Variants in ULK4 observed in about 807,000 individuals in gnomAD.
ULK4 encodes the protein unc-51 like kinase 4, also known as inactive serine/threonine-protein kinase ULK4.
ULK4 carries 133 observed loss-of-function variants against 160.6 expected under a neutral mutation model. That is an observed-to-expected ratio of 0.83 (90% CI 0.72 to 0.96). The LOEUF (loss-of-function observed/expected upper bound fraction) is 0.96, where lower values mean the gene tolerates loss of function less well. Ranked by LOEUF, ULK4 falls within the 40% of genes least tolerant of loss-of-function variation. The pLI is 0.00. For missense variants in ULK4, 1,580 were observed against 1,499.5 expected (o/e 1.05, Z -0.89); for synonymous variants, 534 against 539.8 (o/e 0.99, Z 0.15).
At chr3:41,661,240 G>A (rs1466901126) in intron 30 of ULK4, among the ~76,000 whole-genome samples, 1 of 152,072 alleles carries the variant, frequency 6.6e-6, no homozygotes, top group Non-Finnish European at 1.5e-5. Context: ...GTTTGGCAAA[G>A]ATATTGGCAA....
chr3:41,442,067 A>G (rs2083183800), intron 34 of ULK4, among the ~76,000 whole-genome samples: 1 of 152,136 alleles, frequency 6.6e-6, no homozygotes, highest in Non-Finnish European at 1.5e-5. Flanking sequence ...TATAGCTAAG[A>G]TATGCTTCTT....
At chr3:41,522,484 A>C (rs573230463) in intron 32 of ULK4, among the ~76,000 whole-genome samples, 110 of 152,240 alleles carry the variant, frequency 7.2e-4, no homozygotes, top group African/African-American at 2.6e-3. Context: ...CTTTTCTGAT[A>C]ATTGAAAATA....
intron 32 of ULK4, among the ~76,000 whole-genome samples, chr3:41,498,098 C>CTTCATGT (rs2085055830): frequency 6.6e-6 from 1 of 152,034 alleles, no homozygotes; most frequent in Non-Finnish European, 1.5e-5. Context: ...CTCCAGAATA[C>CTTCATGT]ACACTCTTTC....
chr3:41,581,432 T>C (rs915591570), intron 31 of ULK4, among the ~76,000 whole-genome samples: 1 of 152,126 alleles, frequency 6.6e-6, no homozygotes, highest in Non-Finnish European at 1.5e-5. Flanking sequence ...CACAAACATA[T>C]ATACACATAG....
At chr3:41,828,285 G>A (rs2041441269) in intron 18 of ULK4, among the ~76,000 whole-genome samples, 1 of 145,698 alleles carries the variant, frequency 6.9e-6, no homozygotes, top group Non-Finnish European at 1.5e-5. Flanking sequence ...CATAGTGTTG[G>A]AAATTCTGGC....
intron 30 of ULK4, among the ~76,000 whole-genome samples, chr3:41,618,200 T>C (rs1398763761): frequency 6.6e-6 from 1 of 152,152 alleles, no homozygotes; most frequent in Non-Finnish European, 1.5e-5. Flanking sequence ...AAAACATATT[T>C]CAGGATATTA....
intron 18 of ULK4, among the ~76,000 whole-genome samples, chr3:41,822,209 C>A (rs1244037462): frequency 6.7e-6 from 1 of 149,004 alleles, no homozygotes; most frequent in Non-Finnish European, 1.5e-5. Flanking sequence ...CTGCCAGTCT[C>A]TCCAACCCTG....
At chr3:41,494,613 T>C (rs1170641717) in intron 32 of ULK4, among the ~76,000 whole-genome samples, 1 of 152,118 alleles carries the variant, frequency 6.6e-6, no homozygotes, top group Non-Finnish European at 1.5e-5. Context: ...TAAAGGGCAT[T>C]CAATTAGGAA....
At chr3:41,858,509 ATT>A (rs552326948) in intron 17 of ULK4, among the ~76,000 whole-genome samples, 19,916 of 124,224 alleles carry the variant, frequency 0.16, 1,139 homozygotes, top group Middle Eastern at 0.3. Context: ...AAATTTTTCA[ATT>A]TTTTTTTTTT....
At chr3:41,772,668 T>C (rs925859699) in intron 21 of ULK4, among the ~76,000 whole-genome samples, 95 of 152,176 alleles carry the variant, frequency 6.2e-4, no homozygotes, top group Non-Finnish European at 1.1e-3. Flanking sequence ...CCATTCCTTC[T>C]GAAACTATTC....
chr3:41,883,852 T>G (rs759933450), intron 17 of ULK4, 22 bp downstream of exon 17: 1 of 1,570,076 alleles, frequency 6.4e-7, no homozygotes, highest in South Asian at 1.1e-5. Flanking sequence ...ATTCATCACA[T>G]TTAAGTAATA....
intron 35 of ULK4, among the ~76,000 whole-genome samples, chr3:41,310,259 C>T (rs2080024663): frequency 6.6e-6 from 1 of 152,194 alleles, no homozygotes; most frequent in African/African-American, 2.4e-5. Context: ...ACACAACAGT[C>T]CTTAGACTGG....
At chr3:41,411,008 G>A (rs2082399122) in intron 34 of ULK4, among the ~76,000 whole-genome samples, 1 of 152,276 alleles carries the variant, frequency 6.6e-6, no homozygotes, top group African/African-American at 2.4e-5. Flanking sequence ...TGGAGGTTAG[G>A]ACTTTATCTT....
At chr3:41,451,790 C>G (rs2083431580) in intron 34 of ULK4, among the ~76,000 whole-genome samples, 2 of 152,130 alleles carry the variant, frequency 1.3e-5, no homozygotes, top group African/African-American at 4.8e-5. Flanking sequence ...GAAACTGCTA[C>G]TTTTGTAGGC....
chr3:41,785,193 T>A (rs2039964913), intron 21 of ULK4, among the ~76,000 whole-genome samples: 1 of 152,096 alleles, frequency 6.6e-6, no homozygotes, highest in South Asian at 2.1e-4. Flanking sequence ...AGCCAAACAG[T>A]TCAATAGTGG....
intron 35 of ULK4, among the ~76,000 whole-genome samples, chr3:41,353,412 G>A (rs1263510179): frequency 6.6e-6 from 1 of 152,144 alleles, no homozygotes; most frequent in Non-Finnish European, 1.5e-5. Flanking sequence ...GCTCATGCCT[G>A]TAATTTCAGC....
intron 18 of ULK4, among the ~76,000 whole-genome samples, chr3:41,821,946 TA>T (rs1268018827): frequency 1.3e-5 from 2 of 152,204 alleles, no homozygotes; most frequent in African/African-American, 4.8e-5. Flanking sequence ...CATTCAGCCC[TA>T]CTGACTTTCC....
At chr3:41,373,477 G>A (rs966628274) in intron 35 of ULK4, among the ~76,000 whole-genome samples, 2 of 152,184 alleles carry the variant, frequency 1.3e-5, no homozygotes, top group Non-Finnish European at 2.9e-5. Flanking sequence ...TCAGGGTTAA[G>A]AAACTCACTC....
At chr3:41,873,902 A>T in intron 17 of ULK4, among the ~76,000 whole-genome samples, 1 of 148,688 alleles carries the variant, frequency 6.7e-6, no homozygotes. Context: ...TTGATGTGGG[A>T]GGATCACACA....
Sources: allele counts gnomAD v4.1 joint callset (sites outside exome capture counted in the v4.1 genomes callset), GRCh38; gene constraint gnomAD v4.1.1; transcripts MANE v1.5; gene names NCBI Gene and HGNC (gene_info 2026-07-23, HGNC 2026-07-21).